CFAP410: variants seen among roughly 807,000 people sequenced by gnomAD.
The protein encoded by CFAP410 is cilia and flagella associated protein 410.
In CFAP410, 27 loss-of-function variants were observed where a neutral mutation model predicts 25.7. The ratio of observed to expected loss-of-function variants is 1.05; its 90% CI spans 0.77 to 1.45. CFAP410 has a LOEUF of 1.45. CFAP410 is among the 40% of genes most tolerant of loss of function. The pLI is 0.00. For synonymous variants in CFAP410, 178 were observed against 158.4 expected, an observed-to-expected ratio of 1.12 and a Z score of -0.93; for missense variants, 428 against 354.1, an observed-to-expected ratio of 1.21 and a Z score of -1.67.
chr21:44,336,027 GCGGCCC>G (rs1568991239), intron 2 of CFAP410, among the ~76,000 whole-genome samples: 31 of 81,520 alleles, frequency 3.8e-4, no homozygotes, highest in African/African-American at 7.9e-4. Context: ...CCTGAGGGGA[GCGGCCC>G]TGCTCAGCCA....
intron 6 of CFAP410, 123 bp downstream of exon 6, chr21:44,330,700 C>T: frequency 6.5e-7 from 1 of 1,549,338 alleles, no homozygotes; most frequent in African/African-American, 1.4e-5. Flanking sequence ...CTTCAAGGCC[C>T]TGTGAGGCTC....
intron 4 of CFAP410, 96 bp from the exon 5 acceptor site, chr21:44,332,110 G>T: frequency 9.5e-7 from 1 of 1,055,948 alleles, no homozygotes; most frequent in Non-Finnish European, 1.4e-6. Flanking sequence ...TTCAGGCACA[G>T]TCTGCTTGTG....
intron 6 of CFAP410, 114 bp from the exon 7 acceptor site, chr21:44,330,440 T>C: frequency 6.5e-7 from 1 of 1,543,184 alleles, no homozygotes; most frequent in Admixed American, 1.9e-5. Flanking sequence ...GTCCCGGGGG[T>C]GTGGGCCGTC....
At chr21:44,332,058 C>G in intron 4 of CFAP410, 44 bp from the exon 5 acceptor site, 7 of 1,519,184 alleles carry the variant, frequency 4.6e-6, no homozygotes, top group Non-Finnish European at 6.3e-6. Context: ...GCCTCACCCA[C>G]GTGCAGGCCA....
At chr21:44,331,528 C>T (rs529643120) in intron 5 of CFAP410, 3 of 386,740 alleles carry the variant, frequency 7.8e-6, no homozygotes, top group South Asian at 3.2e-5. Context: ...CCACCCCCCC[C>T]ACCAGGGGCT....
chr21:44,330,154 G>A lies in CFAP410; in HGVS notation c.*44C>T, dbSNP rs1014370523. The A allele has an allele frequency of 1.3e-6, 2 of 1,537,400 alleles. No individual in the cohort carries two copies. Among genetic ancestry groups the A allele is most frequent in the African/African-American group, 1.4e-5 (1 of 73,314 alleles). On this transcript the variant is annotated 3_prime_UTR_variant, in exon 7 of 7. Coordinates refer to ENST00000339818, the MANE Select transcript of CFAP410 (RefSeq NM_004928.3). ...CCAGCTCCCGGGGGCTGGGGAAGAC[G>A]CTGGGGTCCCCGTGGAGGCTGGAGC...
chr21:44,330,922 G>C lies in CFAP410; in HGVS notation c.546-3C>G. On this transcript the variant is annotated splice_region_variant and splice_polypyrimidine_tract_variant and intron_variant, in intron 5 of 6. Transcript: ENST00000339818. ...CACGTTCATCCTGGGCGCCGCTGCT[G>C]AGAGGGAGACAAAGGCGTGTGAGGG... 6.3e-7 allele frequency: 1 copy of C among 1,585,436 alleles called. No homozygotes were observed. The highest frequency in any genetic ancestry group is 8.6e-7 in the Non-Finnish European group (1 of 1,162,512).
intron 2 of CFAP410, among the ~76,000 whole-genome samples, chr21:44,337,096 AAAAG>A (rs1555883607): frequency 6.6e-6 from 1 of 151,448 alleles, no homozygotes; most frequent in East Asian, 1.9e-4. Context: ...AAAAAAAAAA[AAAAG>A]AAAGAAACAA....
At chr21:44,337,195 G>A (rs576560435) in intron 2 of CFAP410, among the ~76,000 whole-genome samples, 2 of 152,174 alleles carry the variant, frequency 1.3e-5, no homozygotes, top group East Asian at 1.9e-4. Flanking sequence ...TTTCACAGAC[G>A]CACACACTCA....
chr21:44,330,257 T>G lies in CFAP410; in HGVS notation c.712A>C (p.Thr238Pro). Reference protein sequence around the residue: ...DAEGLEAVQQTVGSRLQALRG... With the variant: ...DAEGLEAVQQPVGSRLQALRG... ...AGGGCCTGCAGCCGGCTGCCCACAGTCTGCTGCACGGCCTCCAGCCCCTCT... is the reference window on the plus strand; with the variant it reads ...AGGGCCTGCAGCCGGCTGCCCACAGGCTGCTGCACGGCCTCCAGCCCCTCT... Residue 238 changes from threonine to proline, a missense_variant, in exon 7 of 7, where the codon ACT becomes CCT. Coordinates refer to ENST00000339818, the MANE Select transcript of CFAP410 (RefSeq NM_004928.3). 2 of 1,601,694 alleles carry G rather than the reference T, an allele frequency of 1.2e-6. No individual in the cohort carries two copies. The highest frequency in any genetic ancestry group is 1.3e-5 in the African/African-American group (1 of 74,920).
rs750269995 is a variant in CFAP410, at chr21:44,337,863, C to T, written c.78-196G>A. Among the ~76,000 whole-genome samples the T allele has an allele frequency of 1.6e-4, 25 of 152,184 alleles. 1 individual carries two copies. Among genetic ancestry groups the T allele is most frequent in the Non-Finnish European group, 2.5e-4 (17 of 68,034 alleles). On this transcript the variant is annotated intron_variant, in intron 1 of 6. Coordinates refer to ENST00000339818, the MANE Select transcript of CFAP410 (RefSeq NM_004928.3). ...TTGTTTTAGCTGATTTTCAACTAAA[C>T]TGTATGTTTGACGTTGGGGTGGTAC...
At chr21:44,332,313 C>G in intron 4 of CFAP410, 1 of 358,320 alleles carries the variant, frequency 2.8e-6, no homozygotes, top group Admixed American at 4.8e-5. Flanking sequence ...GAAAAAGGAA[C>G]AGACCATATT....
rs201576990 is a variant in CFAP410 at position 44,333,114 on chromosome 21, G to T, written c.292C>A (p.Pro98Thr). The T allele has an allele frequency of 2.5e-6, 4 of 1,611,008 alleles. No homozygotes were observed. The highest frequency in any genetic ancestry group is 1.1e-5 in the South Asian group (1 of 90,892). The change falls in exon 4 of 7, where the codon CCG becomes ACG. Residue 98 changes from proline (P) to threonine (T), a missense_variant. Transcript: ENST00000339818. ...CGGTGGGGGCTGGTGCCGCAGCACG[G>T]GTTCTCGGCCAGCCACAGCACCCGC... ...RLRVLWLAENPCCGTSPHRYR... is the reference protein window; with the variant it reads ...RLRVLWLAENTCCGTSPHRYR...
At position 44,339,316 on chromosome 21, in the gene CFAP410, T is replaced by G; in HGVS notation, c.-122A>C. 1.9e-6 allele frequency: 1 copy of G among 533,726 alleles called. No homozygotes were observed. The highest frequency in any genetic ancestry group is 3.0e-6 in the Non-Finnish European group (1 of 334,480). 33.1% of individuals were successfully genotyped at this position (533,726 alleles called of 1,614,324 possible). On this transcript the variant is annotated 5_prime_UTR_variant, in exon 1 of 7. Transcript: ENST00000339818. ...TCGTCAGGGGCGGATCCTGAGCCGA[T>G]TGGCGGCTCGGTGAGGAGAGCGGGG... is the stretch of plus-strand genomic sequence containing the variant.
At chr21:44,330,404 A>AGC in intron 6 of CFAP410, 78 bp from the exon 7 acceptor site, 1 of 1,569,970 alleles carries the variant, frequency 6.4e-7, no homozygotes, top group South Asian at 1.2e-5. Context: ...GGGCCTGGCC[A>AGC]GCGGTGCCCC....
intron 3 of CFAP410, chr21:44,333,623 A>G: frequency 2.7e-6 from 1 of 369,294 alleles, no homozygotes; most frequent in Non-Finnish European, 5.0e-6. Context: ...GCCCCAAAGC[A>G]GGGAGCGGCC....
chr21:44,329,119 T>C lies in CFAP410; in HGVS notation c.*1079A>G, dbSNP rs73907165. The C allele has an allele frequency of 0.039, 5,878 of 152,196 alleles. 341 individuals carry two copies. Among genetic ancestry groups the C allele is most frequent in the African/African-American group, 0.12 (5,069 of 41,468 alleles). 9.4% of individuals were successfully genotyped at this position (152,196 alleles called of 1,614,324 possible). ...CTTCTGGAGAGCTTGCACGGATGAG[T>C]GACTGTCTTCACCCTGGGCTTCCCC... On this transcript the variant is annotated 3_prime_UTR_variant, in exon 7 of 7. Coordinates refer to ENST00000339818, the MANE Select transcript of CFAP410 (RefSeq NM_004928.3).
chr21:44,334,635 T>C lies in CFAP410; in HGVS notation c.143+1123A>G, dbSNP rs1049293031. 4.0e-5 allele frequency: 11 copies of C among 277,696 alleles called. 1 individual carries two copies. In the Admixed American group the frequency reaches 4.0e-4, roughly 10 times the overall value. The allele number at this position is 277,696 out of a possible 1,614,324, so 17.2% of individuals were successfully genotyped here. A position where few individuals can be genotyped will look rare whatever the true frequency, so the allele number is the denominator to read the frequency against. ...GGGGTGGGCACTTGTAATACCTCCATGTTACAGAAAGGAAACTGAGGCACA... is the reference window on the plus strand; with the variant it reads ...GGGGTGGGCACTTGTAATACCTCCACGTTACAGAAAGGAAACTGAGGCACA... On this transcript the variant is annotated intron_variant, in intron 3 of 6. Coordinates refer to ENST00000339818, the MANE Select transcript of CFAP410 (RefSeq NM_004928.3).
chr21:44,330,250 C>A lies in CFAP410; in HGVS notation c.719G>T (p.Gly240Val), dbSNP rs992466403. The A allele has an allele frequency of 8.1e-6, 13 of 1,599,050 alleles. No individual in the cohort carries two copies. Among genetic ancestry groups the A allele is most frequent in the Non-Finnish European group, 1.1e-5 (13 of 1,174,714 alleles). ...EGLEAVQQTV[G>V]SRLQALRGEE... ...CCCACGCAGGGCCTGCAGCCGGCTG[C>A]CCACAGTCTGCTGCACGGCCTCCAG... is the stretch of plus-strand genomic sequence containing the variant. Residue 240 changes from glycine (G) to valine (V), a missense_variant, in exon 7 of 7, where the codon GGC becomes GTC. Gly to Val is a moderately radical substitution (Grantham distance 109). Coordinates refer to ENST00000339818, the MANE Select transcript of CFAP410 (RefSeq NM_004928.3).
Sources: gnomAD v4.1 joint callset for allele counts (sites outside exome capture counted in the v4.1 genomes callset) on GRCh38, gnomAD v4.1.1 for gene constraint, MANE v1.5 for transcripts, NCBI Gene and HGNC (gene_info 2026-07-23, HGNC 2026-07-21) for gene names.